The following CDH4 variants were observed in gnomAD, a reference collection of about 807,000 sequenced individuals.
The protein encoded by CDH4 is cadherin-4.
A neutral mutation model predicts 86.0 loss-of-function variants in CDH4; 33 were observed. The ratio of observed to expected loss-of-function variants is 0.38; its 90% confidence interval spans 0.29 to 0.51. The LOEUF (loss-of-function observed/expected upper bound fraction) is 0.51. CDH4 is among the 20% of genes least tolerant of loss of function. The pLI, the probability that CDH4 is intolerant of heterozygous loss-of-function variation, is 0.86. For missense variants in CDH4, 1,114 were observed against 1,307.4 expected (o/e 0.85, Z 2.28); for synonymous variants, 555 against 549.4 (o/e 1.01, Z -0.14).
intron 2 of CDH4, among the ~76,000 whole-genome samples, chr20:61,262,697 T>C (rs555694528): frequency 6.6e-6 from 1 of 152,306 alleles, no homozygotes; most frequent in South Asian, 2.1e-4. Flanking sequence ...TTGTGACTTC[T>C]CTTATGTTGC....
At position 61,623,804 on chromosome 20, in the gene CDH4, C is replaced by A. The variant is rs536370490; in HGVS notation, c.170-119759C>A. Among the ~76,000 whole-genome samples the A allele has an allele frequency of 3.3e-5, 5 of 149,810 alleles. No homozygotes were observed. The highest frequency in any genetic ancestry group is 2.7e-4 in the Admixed American group (4 of 15,028). On this transcript the variant is annotated intron_variant, in intron 2 of 15. Transcript: ENST00000614565. This position sits in a 1 kb window ranked among gnomAD's most constrained non-coding sequence, Gnocchi z 4.4. Reference sequence around the variant, plus strand: ...GACACGGTTCCTAGAGCGAGGAACACCCCAGAATCTGAGCAGGAAGGACAC... The same window carrying A: ...GACACGGTTCCTAGAGCGAGGAACAACCCAGAATCTGAGCAGGAAGGACAC...
intron 9 of CDH4, among the ~76,000 whole-genome samples, chr20:61,913,137 G>A (rs185947515): frequency 8.3e-4 from 127 of 152,252 alleles, no homozygotes; most frequent in Middle Eastern, 3.4e-3. Context: ...GGCAGCCCCC[G>A]GCCCCAGGAG....
At chr20:61,885,655 C>A (rs145744561) in intron 7 of CDH4, among the ~76,000 whole-genome samples, 3 of 152,292 alleles carry the variant, frequency 2.0e-5, no homozygotes, top group African/African-American at 7.2e-5. Context: ...TACCCAGGAG[C>A]GGAGCTGCCA....
At chr20:61,334,411 C>T (rs2084605610) in intron 2 of CDH4, among the ~76,000 whole-genome samples, 1 of 152,170 alleles carries the variant, frequency 6.6e-6, no homozygotes, top group Non-Finnish European at 1.5e-5. Context: ...CGTCTGGTCT[C>T]TTCTAGTCTG....
chr20:61,720,194 A>G (rs79654185), intron 2 of CDH4, among the ~76,000 whole-genome samples: 6,522 of 152,112 alleles, frequency 0.043, 368 homozygotes, highest in African/African-American at 0.13. Flanking sequence ...GTTTTGGGCG[A>G]ACGTTGGTGG....
At chr20:61,925,190 C>T (rs1305652620) in intron 11 of CDH4, among the ~76,000 whole-genome samples, 6 of 152,146 alleles carry the variant, frequency 3.9e-5, no homozygotes, top group South Asian at 2.1e-4. Context: ...TTTGAGAGCA[C>T]GTGGGGCTTT....
intron 2 of CDH4, among the ~76,000 whole-genome samples, chr20:61,444,310 T>TGAG (rs1480511043): frequency 2.6e-4 from 36 of 140,968 alleles, no homozygotes; most frequent in Admixed American, 3.1e-4. Flanking sequence ...TGTGTATGTA[T>TGAG]TTTTGTGTAT....
intron 2 of CDH4, among the ~76,000 whole-genome samples, chr20:61,571,775 AC>A (rs1568691936): frequency 1.1e-4 from 1 of 8,768 alleles, no homozygotes; most frequent in African/African-American, 4.4e-4. Flanking sequence ...ACCCTTCCCC[AC>A]CCCTTCCCGC....
chr20:61,367,698 A>G (rs776099866), intron 2 of CDH4, among the ~76,000 whole-genome samples: 9 of 152,140 alleles, frequency 5.9e-5, no homozygotes, highest in Non-Finnish European at 1.0e-4. Flanking sequence ...ATGTCAGCTA[A>G]TCAATGAGAA....
intron 2 of CDH4, among the ~76,000 whole-genome samples, chr20:61,674,058 T>C (rs1424187661): frequency 6.6e-6 from 1 of 152,198 alleles, no homozygotes; most frequent in Non-Finnish European, 1.5e-5. Flanking sequence ...TTGAAAGGGC[T>C]GCCTGGTTTT....
intron 5 of CDH4, among the ~76,000 whole-genome samples, chr20:61,851,217 A>G (rs1982711771): frequency 6.6e-6 from 1 of 152,238 alleles, no homozygotes; most frequent in Non-Finnish European, 1.5e-5. Flanking sequence ...GGCAGTCTGC[A>G]GTTCCTCCAG....
chr20:61,477,749 G>A (rs2085546966), intron 2 of CDH4, among the ~76,000 whole-genome samples: 1 of 152,206 alleles, frequency 6.6e-6, no homozygotes, highest in Non-Finnish European at 1.5e-5. Flanking sequence ...TCTTTTCCCT[G>A]AGGGAGAATG....
intron 7 of CDH4, among the ~76,000 whole-genome samples, chr20:61,883,087 T>C (rs1483579854): frequency 6.6e-6 from 1 of 150,890 alleles, no homozygotes; most frequent in Non-Finnish European, 1.5e-5. Context: ...CCCGGCCCCA[T>C]TCCCCCGGCA....
intron 11 of CDH4, among the ~76,000 whole-genome samples, chr20:61,925,549 T>C (rs1414223240): frequency 6.6e-6 from 1 of 152,230 alleles, no homozygotes; most frequent in Non-Finnish European, 1.5e-5. Context: ...GGCTGCTGTT[T>C]GCCGAGTACC....
At chr20:61,751,244 T>C (rs2088490506) in intron 3 of CDH4, among the ~76,000 whole-genome samples, 1 of 152,226 alleles carries the variant, frequency 6.6e-6, no homozygotes, top group South Asian at 2.1e-4. Flanking sequence ...GCCAGACTCC[T>C]GGCCTCTACC....
chr20:61,299,052 G>A (rs939581051), intron 2 of CDH4, among the ~76,000 whole-genome samples: 1 of 152,074 alleles, frequency 6.6e-6, no homozygotes, highest in Non-Finnish European at 1.5e-5. Context: ...CAGAACCTGT[G>A]CGCGTGATCA....
intron 12 of CDH4, 81 bp downstream of exon 12, chr20:61,928,504 G>T: frequency 1.6e-6 from 2 of 1,217,834 alleles, no homozygotes; most frequent in Non-Finnish European, 2.4e-6. Flanking sequence ...CCTTGGAAGA[G>T]TGGGCACCAG....
chr20:61,321,705 G>A (rs554389619), intron 2 of CDH4, among the ~76,000 whole-genome samples: 1 of 152,170 alleles, frequency 6.6e-6, no homozygotes, highest in East Asian at 1.9e-4. Flanking sequence ...TGCAGAATTG[G>A]TGCTTCTCAG....
At chr20:61,744,630 C>T (rs924773064) in intron 3 of CDH4, among the ~76,000 whole-genome samples, 6 of 152,006 alleles carry the variant, frequency 3.9e-5, no homozygotes, top group African/African-American at 1.4e-4. Flanking sequence ...AGACATAAAA[C>T]ATCTGCTGTT....
Sources: allele counts gnomAD v4.1 joint callset (sites outside exome capture counted in the v4.1 genomes callset), GRCh38; gene constraint gnomAD v4.1.1; non-coding constraint Gnocchi (gnomAD v3.1); transcripts MANE v1.5; gene names NCBI Gene and HGNC (gene_info 2026-07-23, HGNC 2026-07-21).